Variants in ZNF385D observed in about 807,000 individuals in gnomAD.
ZNF385D encodes the protein zinc finger protein 659.
ZNF385D carries 15 observed loss-of-function variants against 35.8 expected under a neutral mutation model. The observed-to-expected ratio is 0.42, with a 90% CI of 0.28 to 0.64. The LOEUF is 0.64. Among genes scored for constraint, ZNF385D ranks in the 30% least tolerant of loss-of-function variants. The pLI, the probability that ZNF385D is intolerant of heterozygous loss-of-function variation, is 0.23. For missense variants in ZNF385D, 474 were observed against 494.6 expected, an observed-to-expected ratio of 0.96 and a Z score of 0.39; for synonymous variants, 212 against 186.8, an observed-to-expected ratio of 1.13 and a Z score of -1.10.
intron 3 of ZNF385D, among the ~76,000 whole-genome samples, chr3:21,974,100 C>G (rs1012653439): frequency 6.6e-6 from 1 of 151,708 alleles, no homozygotes; most frequent in Non-Finnish European, 1.5e-5. Context: ...CACAAAAGTC[C>G]CAGAATAGAC....
At chr3:21,503,444 C>G (rs1392634300) in intron 4 of ZNF385D, among the ~76,000 whole-genome samples, 1 of 152,134 alleles carries the variant, frequency 6.6e-6, no homozygotes, top group Non-Finnish European at 1.5e-5. Flanking sequence ...TACAGTTGCC[C>G]TCCATAGAAA....
chr3:21,598,301 A>G (rs1358419182), intron 2 of ZNF385D, among the ~76,000 whole-genome samples: 1 of 152,188 alleles, frequency 6.6e-6, no homozygotes, highest in African/African-American at 2.4e-5. Flanking sequence ...TGTTTCAAAA[A>G]GGTAAGGATA....
chr3:22,067,503 G>C (rs1422313371), intron 3 of ZNF385D, among the ~76,000 whole-genome samples: 1 of 152,176 alleles, frequency 6.6e-6, no homozygotes, highest in Non-Finnish European at 1.5e-5. Context: ...AAAAGGCTTA[G>C]AAATCATCTT....
At chr3:22,106,267 C>G (rs779222344) in intron 3 of ZNF385D, among the ~76,000 whole-genome samples, 1 of 152,086 alleles carries the variant, frequency 6.6e-6, no homozygotes, top group Non-Finnish European at 1.5e-5. Context: ...CAAACCTATG[C>G]CCTTAACACA....
intron 2 of ZNF385D, among the ~76,000 whole-genome samples, chr3:22,317,275 A>G (rs1054674092): frequency 2.6e-5 from 2 of 78,408 alleles, no homozygotes; most frequent in Non-Finnish European, 2.6e-5. Context: ...GTGAAACTCC[A>G]TCTCCAAAAA....
chr3:21,796,211 G>C (rs1413968089), intron 3 of ZNF385D, among the ~76,000 whole-genome samples: 1 of 152,126 alleles, frequency 6.6e-6, no homozygotes, highest in African/African-American at 2.4e-5. Flanking sequence ...CTAATTATCA[G>C]TCTTAACTTT....
intron 3 of ZNF385D, among the ~76,000 whole-genome samples, chr3:21,918,502 G>C (rs183740638): frequency 2.6e-5 from 4 of 152,178 alleles, no homozygotes; most frequent in South Asian, 2.1e-4. Flanking sequence ...TGGTTCACCT[G>C]AATGATATAT....
intron 3 of ZNF385D, among the ~76,000 whole-genome samples, chr3:21,806,345 C>T (rs2072646587): frequency 6.6e-6 from 1 of 152,004 alleles, no homozygotes; most frequent in African/African-American, 2.4e-5. Context: ...GCTGGGACTA[C>T]AGGCGCCTGT....
At chr3:21,865,045 C>CTTTTTTTTT (rs3073907) in intron 3 of ZNF385D, among the ~76,000 whole-genome samples, 3 of 21,198 alleles carry the variant, frequency 1.4e-4, no homozygotes, top group East Asian at 3.9e-3. Context: ...ACAGGGAAGA[C>CTTTTTTTTT]TTTTTTTTTT....
At chr3:21,992,905 T>C (rs1374587363) in intron 3 of ZNF385D, among the ~76,000 whole-genome samples, 1 of 152,174 alleles carries the variant, frequency 6.6e-6, no homozygotes, top group Non-Finnish European at 1.5e-5. Flanking sequence ...CTCCAAGCAG[T>C]GAAGTCACCA....
At chr3:21,783,127 A>G (rs1281067667) in intron 3 of ZNF385D, among the ~76,000 whole-genome samples, 2 of 152,124 alleles carry the variant, frequency 1.3e-5, no homozygotes, top group South Asian at 2.1e-4. Context: ...GGCTAATACA[A>G]TATTTCTTTG....
chr3:22,134,087 A>C lies in ZNF385D; in HGVS notation c.325+34730T>G, dbSNP rs1180301694. 3 of 152,164 alleles carry C rather than the reference A, an allele frequency of 2.0e-5. 1 individual carries two copies. Among genetic ancestry groups the C allele is most frequent in the Non-Finnish European group, 4.4e-5 (3 of 68,032 alleles). 9.4% of individuals were successfully genotyped at this position (152,164 alleles called of 1,614,324 possible). On this transcript the variant is annotated intron_variant, in intron 3 of 5. Coordinates refer to the ZNF385D transcript ENST00000494108. ...TTATAGACTTAAATACTAAAGTATCAATAATTTCATACAATATAAATTGCC... is the reference window on the plus strand; with the variant it reads ...TTATAGACTTAAATACTAAAGTATCCATAATTTCATACAATATAAATTGCC...
intron 2 of ZNF385D, among the ~76,000 whole-genome samples, chr3:21,603,380 T>C (rs559259747): frequency 9.8e-6 from 1 of 101,782 alleles, no homozygotes; most frequent in African/African-American, 6.2e-5. Flanking sequence ...ACCCAGCAAT[T>C]CTGCTTCTGG....
intron 1 of ZNF385D, among the ~76,000 whole-genome samples, chr3:21,734,594 G>A (rs1284366376): frequency 6.6e-6 from 1 of 152,044 alleles, no homozygotes; most frequent in Non-Finnish European, 1.5e-5. Flanking sequence ...AGACACAGAA[G>A]GTTAAGAAAT....
chr3:22,113,872 A>G (rs1702670256), intron 3 of ZNF385D, among the ~76,000 whole-genome samples: 1 of 152,116 alleles, frequency 6.6e-6, no homozygotes, highest in Non-Finnish European at 1.5e-5. Flanking sequence ...CCAGAATTAC[A>G]GCTCATTTTT....
chr3:21,607,994 G>C (rs1463229000), intron 2 of ZNF385D, among the ~76,000 whole-genome samples: 2 of 112,848 alleles, frequency 1.8e-5, no homozygotes, highest in African/African-American at 6.5e-5. Flanking sequence ...GTAATGAAAA[G>C]ATGTAATTCT....
intron 2 of ZNF385D, among the ~76,000 whole-genome samples, chr3:22,177,584 T>C (rs996068983): frequency 2.0e-5 from 3 of 152,064 alleles, no homozygotes; most frequent in Non-Finnish European, 4.4e-5. Flanking sequence ...TGACTATGAC[T>C]TTTTTTTATT....
chr3:21,722,005 G>C (rs1481049355), intron 1 of ZNF385D, among the ~76,000 whole-genome samples: 1 of 151,602 alleles, frequency 6.6e-6, no homozygotes, highest in Non-Finnish European at 1.5e-5. Flanking sequence ...GAGGCTGAGG[G>C]AGGAGAATCA....
At chr3:21,436,885 T>C (rs1169933198) in intron 5 of ZNF385D, 85 bp downstream of exon 5, 1 of 1,291,402 alleles carries the variant, frequency 7.7e-7, no homozygotes, top group Non-Finnish European at 1.1e-6. Context: ...TCCACCCCTT[T>C]GTCCCCTGCT....
Sources: allele counts gnomAD v4.1 joint callset (sites outside exome capture counted in the v4.1 genomes callset), GRCh38; gene constraint gnomAD v4.1.1; transcripts MANE v1.5; gene names NCBI Gene and HGNC (gene_info 2026-07-23, HGNC 2026-07-21).